The following SLC17A5 variants were observed in gnomAD, a reference collection of about 807,000 sequenced individuals.
The protein encoded by SLC17A5 is solute carrier family 17 member 5.
SLC17A5 carries 47 observed loss-of-function variants against 59.4 expected under a neutral mutation model. The observed-to-expected ratio is 0.79, with a 90% CI of 0.63 to 1.01. SLC17A5 has a LOEUF of 1.01. Ranked by LOEUF, SLC17A5 falls within the 50% of genes least tolerant of loss-of-function variation. The probability of loss-of-function intolerance (pLI) is 0.00; values close to 1 mark genes in which losing one functional copy is unlikely to be tolerated. For missense variants in SLC17A5, 522 were observed against 595.5 expected (o/e 0.88, Z 1.28); for synonymous variants, 202 against 210.7 (o/e 0.96, Z 0.36).
At position 73,604,785 on chromosome 6, in the gene SLC17A5, C is replaced by G. The variant is rs559789512; in HGVS notation, c.1260-4344G>C. Among the ~76,000 whole-genome samples, 15 of 152,198 alleles carry G rather than the reference C, an allele frequency of 9.9e-5. No homozygotes were observed. The East Asian group carries it at 2.1e-3, about 21-fold the overall frequency. On this transcript the variant is annotated intron_variant, in intron 9 of 10. Coordinates refer to ENST00000355773, the MANE Select transcript of SLC17A5 (RefSeq NM_012434.5). ...TAAATACATTGATAACATAAAATCT[C>G]TATTTCAGTCTATAGAAGTAAAGGC...
intron 1 of SLC17A5, among the ~76,000 whole-genome samples, chr6:73,651,598 A>C (rs1376663514): frequency 6.6e-6 from 1 of 151,236 alleles, no homozygotes; most frequent in Non-Finnish European, 1.5e-5. Context: ...GCTGGAGTGC[A>C]GGGGCGTGAT....
intron 1 of SLC17A5, among the ~76,000 whole-genome samples, chr6:73,646,881 G>T (rs999068347): frequency 5.3e-5 from 8 of 151,992 alleles, no homozygotes; most frequent in Non-Finnish European, 7.4e-5. Context: ...TCACTATTTT[G>T]CCCAGGCTGG....
intron 6 of SLC17A5, among the ~76,000 whole-genome samples, chr6:73,625,495 G>A (rs1316928270): frequency 6.6e-6 from 1 of 152,070 alleles, no homozygotes; most frequent in African/African-American, 2.4e-5. Flanking sequence ...GCGCTTGGTT[G>A]TATTTTTTAA....
Position 73,595,189 on chromosome 6 carries a change from A to G in SLC17A5, c.1376T>C (p.Val459Ala). ...ATTAATAGCAGCAGCAATATAGAAC[A>G]CGGTTTGCCATTCTCCAACAGTGTT... Reference protein sequence around the residue: ...PDNTVGEWQTVFYIAAAINVF... With the variant: ...PDNTVGEWQTAFYIAAAINVF... The change falls in exon 11 of 11, where the codon GTG (valine) becomes GCG (alanine). Residue 459 changes from valine (V) to alanine (A), a missense_variant. This residue lies in a region of SLC17A5 where 153 missense variants were observed against 168.5 expected (regional missense o/e 0.91). Transcript: ENST00000355773. The G allele has an allele frequency of 6.2e-7, 1 of 1,614,140 alleles. No homozygotes were observed. The highest frequency in any genetic ancestry group is 8.5e-7 in the Non-Finnish European group (1 of 1,180,026).
At chr6:73,644,275 A>G (rs1219794861) in intron 2 of SLC17A5, 132 bp downstream of exon 2, 3 of 728,396 alleles carry the variant, frequency 4.1e-6, no homozygotes, top group Non-Finnish European at 6.7e-6. Flanking sequence ...CTGGGAAAAC[A>G]CAAAAAGAAA....
Position 73,653,467 on chromosome 6 carries a change from A to AC in SLC17A5, c.94+325dup, listed in dbSNP as rs1769964260. On this transcript the variant is annotated intron_variant, in intron 1 of 10. Coordinates refer to ENST00000355773, the MANE Select transcript of SLC17A5 (RefSeq NM_012434.5). ...CCCTTGCTCAGCACTACCCAAAATAACCACCAGCTCAGCGCCGGCTGCACC... is the reference window on the plus strand; with the variant it reads ...CCCTTGCTCAGCACTACCCAAAATAACCCACCAGCTCAGCGCCGGCTGCACC... 3.0e-6 allele frequency: 3 copies of AC among 984,576 alleles called. No individual in the cohort carries two copies. The Admixed American group carries it at 1.9e-4, about 61-fold the overall frequency. 61.0% of individuals were successfully genotyped at this position (984,576 alleles called of 1,614,324 possible).
At chr6:73,643,502 G>T (rs1769386679) in intron 2 of SLC17A5, among the ~76,000 whole-genome samples, 1 of 151,478 alleles carries the variant, frequency 6.6e-6, no homozygotes, top group African/African-American at 2.4e-5. Flanking sequence ...TTGAGACGAA[G>T]TCTTGCTCTT....
intron 10 of SLC17A5, among the ~76,000 whole-genome samples, chr6:73,596,372 T>G (rs1023736140): frequency 2.6e-5 from 4 of 152,170 alleles, no homozygotes; most frequent in Non-Finnish European, 5.9e-5. Context: ...TAAAAGATCT[T>G]GAATGGCATA....
At chr6:73,596,100 C>G (rs1444019622) in intron 10 of SLC17A5, among the ~76,000 whole-genome samples, 1 of 151,940 alleles carries the variant, frequency 6.6e-6, no homozygotes, top group African/African-American at 2.4e-5. Context: ...GCCACCACGC[C>G]TGGCCTGGAT....
At chr6:73,644,636 T>G (rs762065698) in intron 1 of SLC17A5, 33 bp from the exon 2 acceptor site, 27 of 1,560,960 alleles carry the variant, frequency 1.7e-5, no homozygotes, top group Non-Finnish European at 2.4e-5. Flanking sequence ...TTTTTATTTA[T>G]TTTTAAATTT....
chr6:73,628,403 C>G (rs949177423), intron 6 of SLC17A5, among the ~76,000 whole-genome samples: 3 of 152,098 alleles, frequency 2.0e-5, no homozygotes, highest in African/African-American at 7.2e-5. Context: ...AACCCTGGCT[C>G]TACTAAAAAT....
At chr6:73,631,874 T>C (rs1031374855) in intron 6 of SLC17A5, among the ~76,000 whole-genome samples, 2 of 146,142 alleles carry the variant, frequency 1.4e-5, no homozygotes, top group Admixed American at 6.8e-5. Flanking sequence ...ACCTAGGTCA[T>C]AGTAAAGTTT....
At chr6:73,614,965 T>C (rs1767789579) in intron 8 of SLC17A5, among the ~76,000 whole-genome samples, 1 of 152,212 alleles carries the variant, frequency 6.6e-6, no homozygotes, top group Non-Finnish European at 1.5e-5. Flanking sequence ...CCCTGATTTA[T>C]AGCCGGTCAG....
chr6:73,642,507 C>T (rs567082822), intron 2 of SLC17A5, among the ~76,000 whole-genome samples: 11 of 152,292 alleles, frequency 7.2e-5, no homozygotes, highest in African/African-American at 2.4e-4. Context: ...TATTAACATG[C>T]ATAAATGTAG....
chr6:73,602,774 C>CAA (rs71000136), intron 9 of SLC17A5, among the ~76,000 whole-genome samples: 3 of 100,792 alleles, frequency 3.0e-5, no homozygotes, highest in Non-Finnish European at 4.2e-5. Flanking sequence ...GACTCCGTCT[C>CAA]AAAAAAAAAA....
At chr6:73,599,367 C>A (rs1285044663) in intron 10 of SLC17A5, among the ~76,000 whole-genome samples, 1 of 152,018 alleles carries the variant, frequency 6.6e-6, no homozygotes, top group Non-Finnish European at 1.5e-5. Context: ...CAAACCACAC[C>A]CAGCTAAAAC....
chr6:73,595,277 A>G, intron 10 of SLC17A5, 63 bp from the exon 11 acceptor site: 17 of 1,573,696 alleles, frequency 1.1e-5, no homozygotes, highest in Non-Finnish European at 1.5e-5. Flanking sequence ...CTTCATTAAA[A>G]AGATAGTGTC....
chr6:73,615,814 AT>A (rs1053888408), intron 7 of SLC17A5, among the ~76,000 whole-genome samples: 14 of 150,130 alleles, frequency 9.3e-5, no homozygotes, highest in Non-Finnish European at 1.5e-5. Flanking sequence ...TTTAAAAAAA[AT>A]TTTTTTTACT....
Position 73,635,372 on chromosome 6 carries a change from A to T in SLC17A5, c.819+10T>A. The T allele has an allele frequency of 2.2e-6, 3 of 1,390,082 alleles. No homozygotes were observed. Among genetic ancestry groups the T allele is most frequent in the Non-Finnish European group, 3.1e-6 (3 of 982,242 alleles). The allele number at this position is 1,390,082 out of a possible 1,614,324, so 86.1% of individuals were successfully genotyped here. ...CTGACATTATTTTTAAAATGTGTCA[A>T]AGTCCATACCTGATTTCTTAATGAT... is the stretch of plus-strand genomic sequence containing the variant. On this transcript the variant is annotated intron_variant, in intron 6 of 10. Transcript: ENST00000355773.
Sources: gnomAD v4.1 joint callset for allele counts (sites outside exome capture counted in the v4.1 genomes callset) on GRCh38, gnomAD v4.1.1 for gene constraint, gnomAD v4.1.1 regional missense constraint, MANE v1.5 for transcripts, NCBI Gene and HGNC (gene_info 2026-07-23, HGNC 2026-07-21) for gene names.